Variants in SMARCA5 observed in about 807,000 individuals in gnomAD.
SMARCA5 encodes the protein SNF2 related chromatin remodeling ATPase 5, also known as SWI/SNF-related matrix-associated actin-dependent regulator of chromatin subfamily A member 5.
Under a neutral mutation model 140.4 loss-of-function variants are expected in SMARCA5, and 18 were observed. That is an observed-to-expected ratio of 0.13 (90% CI 0.09 to 0.19). SMARCA5 has a LOEUF of 0.19. Ranked by LOEUF, SMARCA5 falls within the 10% of genes least tolerant of loss-of-function variation. SMARCA5 has a pLI of 1.00. For missense variants in SMARCA5, 606 were observed against 1,276.8 expected (o/e 0.47, Z 8.01); for synonymous variants, 449 against 419.6 (o/e 1.07, Z -0.86).
At chr4:143,552,845 C>T (rs1737670675) in intron 23 of SMARCA5, among the ~76,000 whole-genome samples, 1 of 151,940 alleles carries the variant, frequency 6.6e-6, no homozygotes, top group Admixed American at 6.6e-5. Flanking sequence ...GGGAAGCTTG[C>T]ATTTATTTGA....
chr4:143,525,192 G>T (rs1380690214), intron 4 of SMARCA5, among the ~76,000 whole-genome samples: 1 of 152,050 alleles, frequency 6.6e-6, no homozygotes, highest in Non-Finnish European at 1.5e-5. Flanking sequence ...CCAGTATATG[G>T]GTAACGTAAG....
At chr4:143,517,559 G>A (rs1231363016) in intron 2 of SMARCA5, 130 bp downstream of exon 2, 16 of 557,176 alleles carry the variant, frequency 2.9e-5, no homozygotes, top group Admixed American at 1.6e-4. Context: ...ATAAAGAAAC[G>A]AAATTTATTT....
chr4:143,513,951 A>ACCCCCGCCT lies in SMARCA5; in HGVS notation c.31_39dup (p.Pro11_Pro13dup). On this transcript the variant is annotated inframe_insertion, in exon 1 of 24. Transcript: ENST00000283131. ...TGTCGTCCGCGGCCGAGCCTCCGCCACCCCCGCCTCCCGAGAGCGCGCCTT... is the reference window on the plus strand; with the variant it reads ...TGTCGTCCGCGGCCGAGCCTCCGCCACCCCCGCCTCCCCCGCCTCCCGAGAGCGCGCCTT... The ACCCCCGCCT allele has an allele frequency of 6.5e-7, 1 of 1,547,664 alleles. No individual in the cohort carries two copies. Among genetic ancestry groups the ACCCCCGCCT allele is most frequent in the Non-Finnish European group, 8.7e-7 (1 of 1,154,012 alleles).
rs150169073 is a variant in SMARCA5 at position 143,538,805 on chromosome 4, A to G, written c.1637A>G (p.Asn546Ser). 3.1e-6 allele frequency: 5 copies of G among 1,614,002 alleles called. No homozygotes were observed. The highest frequency in any genetic ancestry group is 1.3e-5 in the African/African-American group (1 of 74,926). ...DERQDSINAY[N>S]EPNSTKFVFM... is the part of the protein sequence containing the mutation. ...CCATAGGACTCCATCAATGCATACA[A>G]TGAACCAAACAGCACAAAGTTTGTT... Residue 546 changes from asparagine to serine, a missense_variant, in exon 13 of 24, where the codon AAT becomes AGT. Physicochemically the swap from Asn to Ser is conservative, Grantham distance 46. Around this residue, in one of 10 missense-constraint regions of SMARCA5, gnomAD observed 68 missense variants for 126.9 expected, o/e 0.54. Coordinates refer to ENST00000283131, the MANE Select transcript of SMARCA5 (RefSeq NM_003601.4).
intron 1 of SMARCA5, 40 bp downstream of exon 1, chr4:143,514,141 G>T (rs777425459): frequency 4.1e-6 from 6 of 1,478,472 alleles, no homozygotes; most frequent in Non-Finnish European, 5.4e-6. Flanking sequence ...GTGCAGCGGG[G>T]AGGAGGAGCT....
At chr4:143,517,312 T>G (rs1736860897) in intron 1 of SMARCA5, 43 bp from the exon 2 acceptor site, 1 of 1,442,144 alleles carries the variant, frequency 6.9e-7, no homozygotes, top group Admixed American at 1.9e-5. Context: ...GTATGTTTAC[T>G]ATTTTCGAAG....
chr4:143,539,375 G>T (rs1464074295), intron 13 of SMARCA5, among the ~76,000 whole-genome samples: 1 of 152,144 alleles, frequency 6.6e-6, no homozygotes, highest in Non-Finnish European at 1.5e-5. Flanking sequence ...TGAGCAACTA[G>T]CCTGTCTTCC....
At chr4:143,530,748 A>C (rs1377697227) in intron 9 of SMARCA5, among the ~76,000 whole-genome samples, 4 of 152,198 alleles carry the variant, frequency 2.6e-5, no homozygotes, top group Non-Finnish European at 5.9e-5. Context: ...TAAGGGAGAA[A>C]GTATTCTCTT....
chr4:143,530,422 C>G (rs538662283), intron 8 of SMARCA5, 36 bp from the exon 9 acceptor site: 1 of 1,396,564 alleles, frequency 7.2e-7, no homozygotes, highest in Admixed American at 1.8e-5. Context: ...TTAATATTAT[C>G]TCTGATCTGA....
chr4:143,537,917 C>CAA lies in SMARCA5; in HGVS notation c.1496-653_1496-652dup, dbSNP rs34592654. On this transcript the variant is annotated intron_variant, in intron 11 of 23. Transcript: ENST00000283131. ...TGGGTGTCAGAGCAAGACTCCATCT[C>CAA]AAAAAAAAAAAAAAAAAAAAATTCT... Among the ~76,000 whole-genome samples, 182 of 101,414 alleles carry CAA rather than the reference C, an allele frequency of 1.8e-3. 1 individual carries two copies. The highest frequency in any genetic ancestry group is 6.2e-3 in the African/African-American group (163 of 26,336). 66.5% of individuals were successfully genotyped at this position (101,414 alleles called of 152,430 possible).
At chr4:143,525,283 A>G (rs1466492527) in intron 4 of SMARCA5, among the ~76,000 whole-genome samples, 168 bp from the exon 5 acceptor site, 2 of 152,138 alleles carry the variant, frequency 1.3e-5, no homozygotes, top group Non-Finnish European at 2.9e-5. Context: ...CAGCTTTTCC[A>G]CTTCAGACCA....
At chr4:143,536,827 A>AC (rs1460421114) in intron 11 of SMARCA5, 149 bp downstream of exon 11, 1 of 628,722 alleles carries the variant, frequency 1.6e-6, no homozygotes, top group South Asian at 2.0e-5. Flanking sequence ...CTGAGCTCTA[A>AC]CCCCCACTCC....
chr4:143,542,150 C>T (rs1214050356), intron 14 of SMARCA5, among the ~76,000 whole-genome samples: 9 of 152,234 alleles, frequency 5.9e-5, no homozygotes, highest in African/African-American at 1.2e-4. Flanking sequence ...TGAGCCACCA[C>T]GCCTGTCCAA....
Position 143,537,189 on chromosome 4 carries a change from A to G in SMARCA5, c.1495+511A>G, listed in dbSNP as rs149006553. ...ATATTTAAATTACACGAATGCAGAA[A>G]GAACTTAGAAGCCAGCTTCTGATTT... On this transcript the variant is annotated intron_variant, in intron 11 of 23. Coordinates refer to ENST00000283131, the MANE Select transcript of SMARCA5 (RefSeq NM_003601.4). Among the ~76,000 whole-genome samples the G allele has an allele frequency of 4.0e-4, 61 of 152,356 alleles. 1 individual carries two copies. The East Asian group carries it at 8.3e-3, about 21-fold the overall frequency.
intron 9 of SMARCA5, among the ~76,000 whole-genome samples, chr4:143,531,803 A>G (rs1230002506): frequency 2.6e-5 from 4 of 152,188 alleles, no homozygotes; most frequent in Non-Finnish European, 5.9e-5. Flanking sequence ...ATTTTTGCTT[A>G]TCATTTTTGC....
rs1430259509 is a variant in SMARCA5 at position 143,545,526 on chromosome 4, T to C, written c.2340T>C (p.Arg780=). ...AGGATTTCCAGTTCTTTCCTCCACG[T>C]TTATTTGAATTACTGGAAAAAGAAA... The part of the protein sequence containing the change: ...NVQDFQFFPP[R]LFELLEKEIL... The change falls in exon 18 of 24, where the codon CGT becomes CGC. Residue 780 remains arginine, a synonymous_variant. Transcript: ENST00000283131. 19 of 1,613,196 alleles carry C rather than the reference T, an allele frequency of 1.2e-5. 1 individual carries two copies. Among genetic ancestry groups the C allele is most frequent in the Non-Finnish European group, 1.6e-5 (19 of 1,179,420 alleles).
chr4:143,536,770 G>C lies in SMARCA5; in HGVS notation c.1495+92G>C. The C allele has an allele frequency of 2.1e-5, 18 of 849,308 alleles. No individual in the cohort carries two copies. The South Asian group carries it at 2.7e-4, about 13-fold the overall frequency. The allele number at this position is 849,308 out of a possible 1,614,324, so 52.6% of individuals were successfully genotyped here. On this transcript the variant is annotated intron_variant, in intron 11 of 23. Coordinates refer to ENST00000283131, the MANE Select transcript of SMARCA5 (RefSeq NM_003601.4). ...TGTACTTTGAAATGACTGCTCTGATGCTTTCCAAGGTTGACGTGTAGAACA... is the reference window on the plus strand; with the variant it reads ...TGTACTTTGAAATGACTGCTCTGATCCTTTCCAAGGTTGACGTGTAGAACA...
intron 17 of SMARCA5, 126 bp downstream of exon 17, chr4:143,544,973 A>C (rs892087823): frequency 1.6e-5 from 9 of 546,098 alleles, no homozygotes; most frequent in Non-Finnish European, 2.5e-5. Flanking sequence ...TTTGAGACAG[A>C]GTCTCACTCT....
chr4:143,538,248 G>A (rs1737355647), intron 11 of SMARCA5, among the ~76,000 whole-genome samples: 1 of 152,162 alleles, frequency 6.6e-6, no homozygotes, highest in African/African-American at 2.4e-5. Flanking sequence ...GAGGTTTGGG[G>A]AGTCATATGC....
Sources: allele counts gnomAD v4.1 joint callset (sites outside exome capture counted in the v4.1 genomes callset), GRCh38; gene constraint gnomAD v4.1.1; regional missense constraint gnomAD v4.1.1; transcripts MANE v1.5; gene names NCBI Gene and HGNC (gene_info 2026-07-23, HGNC 2026-07-21).